Variants in CARMIL1 observed in about 807,000 individuals in gnomAD.
The protein encoded by CARMIL1 is capping protein regulator and myosin 1 linker 1, also known as F-actin-uncapping protein LRRC16A.
CARMIL1 carries 90 observed loss-of-function variants against 177.1 expected under a neutral mutation model. The observed-to-expected ratio is 0.51, with a 90% CI of 0.43 to 0.61. CARMIL1 has a LOEUF of 0.61. CARMIL1 is among the 20% of genes least tolerant of loss of function. The pLI is 0.00. For synonymous variants in CARMIL1, 577 were observed against 606.2 expected (o/e 0.95, Z 0.71); for missense variants, 1,380 against 1,667.0 (o/e 0.83, Z 3.00).
intron 24 of CARMIL1, among the ~76,000 whole-genome samples, chr6:25,536,419 G>T (rs1808308815): frequency 6.6e-6 from 1 of 152,124 alleles, no homozygotes; most frequent in South Asian, 2.1e-4. Flanking sequence ...AGAATTTGAT[G>T]TGAGAAGCAA....
chr6:25,529,970 A>G (rs941144511), intron 24 of CARMIL1, among the ~76,000 whole-genome samples: 1 of 152,086 alleles, frequency 6.6e-6, no homozygotes, highest in Non-Finnish European at 1.5e-5. Flanking sequence ...TATGAAAGCA[A>G]AGTAGGTGAA....
chr6:25,581,165 T>C (rs374208097), intron 30 of CARMIL1, 78 bp from the exon 31 acceptor site: 1 of 1,405,018 alleles, frequency 7.1e-7, no homozygotes, highest in Non-Finnish European at 9.7e-7. Context: ...AAAATTACTT[T>C]TAGGAATTTT....
intron 15 of CARMIL1, among the ~76,000 whole-genome samples, chr6:25,494,488 T>C (rs1803509024): frequency 6.6e-6 from 1 of 152,254 alleles, no homozygotes; most frequent in South Asian, 2.1e-4. Flanking sequence ...CACATACTTT[T>C]CTCTGTAATA....
intron 23 of CARMIL1, among the ~76,000 whole-genome samples, chr6:25,522,555 C>T (rs939997122): frequency 4.6e-5 from 7 of 152,174 alleles, no homozygotes; most frequent in Admixed American, 1.3e-4. Flanking sequence ...GACTACCATG[C>T]AGGTCTGTTG....
chr6:25,287,104 A>T (rs1389134358), intron 2 of CARMIL1, among the ~76,000 whole-genome samples: 1 of 152,236 alleles, frequency 6.6e-6, no homozygotes. Flanking sequence ...GAACAAGAAG[A>T]TGTATGAAGT....
intron 2 of CARMIL1, among the ~76,000 whole-genome samples, chr6:25,335,054 T>C (rs1337819022): frequency 1.3e-5 from 2 of 152,236 alleles, no homozygotes; most frequent in African/African-American, 4.8e-5. Context: ...AAATAAGAGC[T>C]AGTCTGGAGG....
intron 2 of CARMIL1, among the ~76,000 whole-genome samples, chr6:25,366,319 A>C (rs1167216928): frequency 6.6e-6 from 1 of 152,032 alleles, no homozygotes; most frequent in Non-Finnish European, 1.5e-5. Flanking sequence ...TGAACTAGCT[A>C]TTCCCTCTGC....
chr6:25,362,928 T>C (rs60982159), intron 2 of CARMIL1, among the ~76,000 whole-genome samples: 16,143 of 151,986 alleles, frequency 0.11, 1,056 homozygotes, highest in African/African-American at 0.19. Context: ...CCAGCTACTC[T>C]GGGGGCTGAA....
At chr6:25,529,997 G>C (rs1807585400) in intron 24 of CARMIL1, among the ~76,000 whole-genome samples, 2 of 151,886 alleles carry the variant, frequency 1.3e-5, no homozygotes, top group African/African-American at 4.8e-5. Flanking sequence ...AATTGACTTA[G>C]AATAATCAAC....
intron 31 of CARMIL1, among the ~76,000 whole-genome samples, chr6:25,586,183 T>A (rs1191185164): frequency 1.4e-5 from 2 of 147,272 alleles, no homozygotes; most frequent in Non-Finnish European, 3.0e-5. Flanking sequence ...GCAGAGACGC[T>A]CCTCACTTCC....
intron 26 of CARMIL1, among the ~76,000 whole-genome samples, chr6:25,546,526 C>T (rs1159263551): frequency 2.0e-5 from 3 of 151,632 alleles, no homozygotes; most frequent in African/African-American, 7.3e-5. Flanking sequence ...ACAGTGAGAC[C>T]TCATCTCTAC....
At chr6:25,303,870 G>A (rs1354826412) in intron 2 of CARMIL1, among the ~76,000 whole-genome samples, 1 of 152,242 alleles carries the variant, frequency 6.6e-6, no homozygotes, top group East Asian at 1.9e-4. Flanking sequence ...GGTGACTTGG[G>A]AATGGACTGG....
chr6:25,421,549 A>G (rs1455581653), intron 3 of CARMIL1, among the ~76,000 whole-genome samples: 5 of 151,940 alleles, frequency 3.3e-5, no homozygotes, highest in Admixed American at 6.6e-5. Flanking sequence ...ACTATAAATC[A>G]TGCTGCTATA....
At chr6:25,394,067 A>G (rs1793138521) in intron 2 of CARMIL1, among the ~76,000 whole-genome samples, 1 of 152,192 alleles carries the variant, frequency 6.6e-6, no homozygotes, top group African/African-American at 2.4e-5. Flanking sequence ...GCACCCACAT[A>G]CCACCACTTA....
intron 2 of CARMIL1, among the ~76,000 whole-genome samples, chr6:25,289,535 C>T (rs74637173): frequency 0.024 from 3,610 of 152,230 alleles, 60 homozygotes; most frequent in Non-Finnish European, 0.038. Flanking sequence ...CATTGATTGA[C>T]ACTGTAAAAT....
At chr6:25,559,815 C>A (rs753614055) in intron 29 of CARMIL1, among the ~76,000 whole-genome samples, 8 of 152,160 alleles carry the variant, frequency 5.3e-5, no homozygotes, top group Non-Finnish European at 1.5e-5. Context: ...GGCAGAGATT[C>A]TGGGAACCCT....
chr6:25,327,774 A>G (rs1167191917), intron 2 of CARMIL1, among the ~76,000 whole-genome samples: 1 of 152,236 alleles, frequency 6.6e-6, no homozygotes, highest in African/African-American at 2.4e-5. Flanking sequence ...GCCTCATGTC[A>G]TGTTATTGAA....
chr6:25,576,905 C>T (rs759394621), intron 29 of CARMIL1: 32 of 753,926 alleles, frequency 4.2e-5, no homozygotes, highest in Non-Finnish European at 5.2e-5. Flanking sequence ...TCTCCCTCCC[C>T]TTTCCTAGTA....
chr6:25,541,248 G>T (rs967181391), intron 26 of CARMIL1, among the ~76,000 whole-genome samples: 2 of 152,166 alleles, frequency 1.3e-5, no homozygotes, highest in African/African-American at 4.8e-5. Flanking sequence ...TAGTGTCTCT[G>T]TTAATATCTT....
Sources: allele counts gnomAD v4.1 joint callset (sites outside exome capture counted in the v4.1 genomes callset), GRCh38; gene constraint gnomAD v4.1.1; transcripts MANE v1.5; gene names NCBI Gene and HGNC (gene_info 2026-07-23, HGNC 2026-07-21).